Variants in NCAM2 observed in about 807,000 individuals in gnomAD.
NCAM2 encodes N-CAM-2.
In NCAM2, 30 loss-of-function variants were observed where a neutral mutation model predicts 98.1. The ratio of observed to expected loss-of-function variants is 0.31; its 90% CI spans 0.23 to 0.41. NCAM2 has a LOEUF of 0.41. Among genes scored for constraint, NCAM2 ranks in the 10% least tolerant of loss-of-function variants. The pLI is 1.00. For synonymous variants in NCAM2, 368 were observed against 342.4 expected, an observed-to-expected ratio of 1.07 and a Z score of -0.83; for missense variants, 867 against 1,005.8, an observed-to-expected ratio of 0.86 and a Z score of 1.87.
chr21:21,075,147 T>C (rs937593755), intron 1 of NCAM2, among the ~76,000 whole-genome samples: 1 of 152,030 alleles, frequency 6.6e-6, no homozygotes, highest in African/African-American at 2.4e-5. Context: ...TGAGAATACA[T>C]GGACACAGGG....
chr21:21,358,502 C>T lies in NCAM2; in HGVS notation c.1045-15361C>T, dbSNP rs181274790. ...CATACACTCAACATACAAAAATACA[C>T]GCACATCCACTTTCATGAAACATTT... On this transcript the variant is annotated intron_variant, in intron 8 of 17. Coordinates refer to ENST00000400546, the MANE Select transcript of NCAM2 (RefSeq NM_004540.5). Among the ~76,000 whole-genome samples, 11 of 152,106 alleles carry T rather than the reference C, an allele frequency of 7.2e-5. No homozygotes were observed. The East Asian group carries it at 7.7e-4, about 11-fold the overall frequency.
Position 21,338,439 on chromosome 21 carries a change from C to A in NCAM2, c.949C>A (p.Gln317Lys). Residue 317 changes from glutamine (Q) to lysine (K), a missense_variant, in exon 8 of 18, where the codon CAA becomes AAA. Around this residue, in one of 5 missense-constraint regions of NCAM2, gnomAD observed 447 missense variants for 495.7 expected, o/e 0.90. Transcript: ENST00000400546. ...LKNETTYENG[Q>K]VTLVCDAEGE... Reference sequence around the variant, plus strand: ...AAATGAAACTACATATGAGAATGGTCAAGTCACACTCGTATGTGATGCGGA... The same window carrying A: ...AAATGAAACTACATATGAGAATGGTAAAGTCACACTCGTATGTGATGCGGA... 1.2e-6 allele frequency: 2 copies of A among 1,612,562 alleles called. No individual in the cohort carries two copies. Among genetic ancestry groups the A allele is most frequent in the Non-Finnish European group, 1.7e-6 (2 of 1,179,000 alleles).
At chr21:21,079,171 G>A (rs969350902) in intron 1 of NCAM2, among the ~76,000 whole-genome samples, 23 of 152,026 alleles carry the variant, frequency 1.5e-4, no homozygotes, top group African/African-American at 5.6e-4. Context: ...TGCATGTTCT[G>A]GACATGTATC....
intron 1 of NCAM2, among the ~76,000 whole-genome samples, chr21:21,090,293 A>T (rs1400509618): frequency 2.0e-5 from 3 of 152,202 alleles, no homozygotes; most frequent in South Asian, 4.1e-4. Context: ...TCTTAATTTT[A>T]AAAACATTGT....
chr21:21,397,832 G>T (rs2076545869), intron 9 of NCAM2, among the ~76,000 whole-genome samples: 1 of 152,240 alleles, frequency 6.6e-6, no homozygotes, highest in Non-Finnish European at 1.5e-5. Context: ...CACAGTGGCT[G>T]CTCCAGATGG....
intron 9 of NCAM2, among the ~76,000 whole-genome samples, chr21:21,376,830 T>A (rs2076042801): frequency 6.6e-6 from 1 of 151,774 alleles, no homozygotes; most frequent in Non-Finnish European, 1.5e-5. Flanking sequence ...AATTATGTAG[T>A]TTAGTTTATC....
chr21:21,317,027 C>T (rs950891682), intron 5 of NCAM2, among the ~76,000 whole-genome samples: 1 of 152,126 alleles, frequency 6.6e-6, no homozygotes, highest in Non-Finnish European at 1.5e-5. Flanking sequence ...CAAAACTGCA[C>T]CTAACTTCTG....
chr21:21,341,839 T>A (rs187685931), intron 8 of NCAM2, among the ~76,000 whole-genome samples: 1 of 152,014 alleles, frequency 6.6e-6, no homozygotes, highest in African/African-American at 2.4e-5. Context: ...ATAAACATAC[T>A]CAACACAGTC....
At chr21:21,355,960 C>G (rs1302804480) in intron 8 of NCAM2, among the ~76,000 whole-genome samples, 3 of 152,142 alleles carry the variant, frequency 2.0e-5, no homozygotes, top group Middle Eastern at 3.2e-3. Flanking sequence ...AATTTCGCAT[C>G]AACACACACA....
At position 21,013,504 on chromosome 21, in the gene NCAM2, G is replaced by A. The variant is rs541510000; in HGVS notation, c.55+14886G>A. Among the ~76,000 whole-genome samples the A allele has an allele frequency of 1.6e-4, 24 of 152,266 alleles. No homozygotes were observed. The South Asian group carries it at 4.1e-3, about 26-fold the overall frequency. On this transcript the variant is annotated intron_variant, in intron 1 of 17. Transcript: ENST00000400546. ...AAGCATAAATTAGTTCACGAGGGCC[G>A]GACGTGGTGGCTCACACCTGTAATT...
intron 8 of NCAM2, among the ~76,000 whole-genome samples, chr21:21,347,836 A>G (rs2075229497): frequency 6.6e-6 from 1 of 152,058 alleles, no homozygotes; most frequent in Admixed American, 6.5e-5. Context: ...GTGATACATC[A>G]TATCAACAAA....
At chr21:21,130,813 T>A (rs945057071) in intron 1 of NCAM2, among the ~76,000 whole-genome samples, 5 of 152,158 alleles carry the variant, frequency 3.3e-5, no homozygotes, top group Non-Finnish European at 7.4e-5. Flanking sequence ...GGTGAATATT[T>A]AAAATGGCAA....
Position 21,043,680 on chromosome 21 carries a change from G to A in NCAM2, c.55+45062G>A, listed in dbSNP as rs577976495. ...ATCCTGGCTAACACAGTGAAACCGC[G>A]AATCTACTAAAAATACAAAAAAAAA... On this transcript the variant is annotated intron_variant, in intron 1 of 17. Coordinates refer to ENST00000400546, the MANE Select transcript of NCAM2 (RefSeq NM_004540.5). Among the ~76,000 whole-genome samples, 25 of 151,384 alleles carry A rather than the reference G, an allele frequency of 1.7e-4. No homozygotes were observed. The East Asian group carries it at 4.7e-3, about 28-fold the overall frequency.
intron 1 of NCAM2, among the ~76,000 whole-genome samples, chr21:21,229,594 G>A (rs187675698): frequency 1.7e-3 from 264 of 151,586 alleles, no homozygotes; most frequent in African/African-American, 6.0e-3. Context: ...AGGTTGCATA[G>A]CCGGGAAGTG....
At chr21:21,271,249 A>G (rs1195569169) in intron 1 of NCAM2, among the ~76,000 whole-genome samples, 1 of 152,218 alleles carries the variant, frequency 6.6e-6, no homozygotes, top group East Asian at 1.9e-4. Flanking sequence ...GTATGCACAA[A>G]TATTTTAGCA....
chr21:21,183,495 T>G (rs2068543982), intron 1 of NCAM2, among the ~76,000 whole-genome samples: 1 of 152,214 alleles, frequency 6.6e-6, no homozygotes, highest in South Asian at 2.1e-4. Flanking sequence ...TAAATCAGCT[T>G]TGGGAGGTAA....
chr21:21,533,312 A>G (rs1393714436), intron 16 of NCAM2, among the ~76,000 whole-genome samples: 2 of 151,786 alleles, frequency 1.3e-5, no homozygotes, highest in Non-Finnish European at 2.9e-5. Context: ...CCTGGCAACT[A>G]CAGACTTTAT....
At chr21:21,440,063 T>C (rs575459496) in intron 12 of NCAM2, among the ~76,000 whole-genome samples, 1 of 152,342 alleles carries the variant, frequency 6.6e-6, no homozygotes, top group East Asian at 1.9e-4. Flanking sequence ...GTAGAATTTC[T>C]CTTAGTATAT....
chr21:21,129,727 G>C (rs2066897586), intron 1 of NCAM2, among the ~76,000 whole-genome samples: 1 of 152,088 alleles, frequency 6.6e-6, no homozygotes, highest in Non-Finnish European at 1.5e-5. Flanking sequence ...TGGGGGATTA[G>C]GTTTCAATAT....
Sources: gnomAD v4.1 joint callset for allele counts (sites outside exome capture counted in the v4.1 genomes callset) on GRCh38, gnomAD v4.1.1 for gene constraint, gnomAD v4.1.1 regional missense constraint, MANE v1.5 for transcripts, NCBI Gene and HGNC (gene_info 2026-07-23, HGNC 2026-07-21) for gene names.